SLFN5: variants seen among roughly 807,000 people sequenced by gnomAD.
SLFN5 encodes the protein schlafen family member 5.
A neutral mutation model predicts 48.5 loss-of-function variants in SLFN5; 34 were observed. That is an observed-to-expected ratio of 0.70 (90% CI 0.53 to 0.93). The LOEUF is 0.93. SLFN5 is among the 40% of genes least tolerant of loss of function. SLFN5 has a pLI of 0.00. For missense variants in SLFN5, 1,006 were observed against 1,071.3 expected, an observed-to-expected ratio of 0.94 and a Z score of 0.85; for synonymous variants, 387 against 396.2, an observed-to-expected ratio of 0.98 and a Z score of 0.28.
Position 35,251,413 on chromosome 17 carries a change from T to G in SLFN5, c.-40-7238T>G, listed in dbSNP as rs149899201. On this transcript the variant is annotated intron_variant, in intron 1 of 4. Transcript: ENST00000299977. Reference sequence around the variant, plus strand: ...ATTTGGGGTTTTTTTTTGTTTGTTTTTTTGTTTTTTGAGACGGAGTCTCGC... The same window carrying G: ...ATTTGGGGTTTTTTTTTGTTTGTTTGTTTGTTTTTTGAGACGGAGTCTCGC... Among the ~76,000 whole-genome samples, 317 of 152,308 alleles carry G rather than the reference T, an allele frequency of 2.1e-3. 1 individual carries two copies. Among genetic ancestry groups the G allele is most frequent in the African/African-American group, 7.0e-3 (289 of 41,566 alleles).
At chr17:35,261,417 C>T (rs1285571263) in intron 3 of SLFN5, among the ~76,000 whole-genome samples, 3 of 150,734 alleles carry the variant, frequency 2.0e-5, no homozygotes, top group East Asian at 4.1e-4. Flanking sequence ...TACCTGTAAT[C>T]CCAGCACTTT....
In SLFN5 at chr17:35,264,884, C is replaced by T. The variant is rs1271763342; in HGVS notation, c.1840C>T (p.Pro614Ser). The T allele has an allele frequency of 1.3e-6, 2 of 1,562,884 alleles. No homozygotes were observed. Among genetic ancestry groups the T allele is most frequent in the South Asian group, 1.2e-5 (1 of 80,010 alleles). ...ANILYICENQ[P>S]LKKLVSFSKK... ...CATTCTCTACATCTGTGAAAACCAGCCCCTGAAGAAGTTGGTGAGGTATGC... is the reference window on the plus strand; with the variant it reads ...CATTCTCTACATCTGTGAAAACCAGTCCCTGAAGAAGTTGGTGAGGTATGC... Residue 614 changes from proline (P) to serine (S), a missense_variant, in exon 4 of 5, where the codon CCC becomes TCC. Coordinates refer to ENST00000299977, the MANE Select transcript of SLFN5 (RefSeq NM_144975.4).
chr17:35,255,356 T>C (rs1052780480), intron 1 of SLFN5, among the ~76,000 whole-genome samples: 1 of 152,240 alleles, frequency 6.6e-6, no homozygotes, highest in African/African-American at 2.4e-5. Flanking sequence ...TGAGCACATA[T>C]TACTTTTACT....
intron 1 of SLFN5, among the ~76,000 whole-genome samples, chr17:35,249,412 A>G (rs2092437540): frequency 6.6e-6 from 1 of 152,240 alleles, no homozygotes; most frequent in South Asian, 2.1e-4. Flanking sequence ...GGAAGGAGAA[A>G]CTACCCAATA....
At chr17:35,243,171 C>G (rs1441879381) in intron 1 of SLFN5, 28 bp downstream of exon 1, 1 of 152,420 alleles carries the variant, frequency 6.6e-6, no homozygotes, top group Non-Finnish European at 1.5e-5. Flanking sequence ...CTTCTTTGCC[C>G]AGGCCTTCCC....
At chr17:35,245,946 T>G (rs1026775671) in intron 1 of SLFN5, among the ~76,000 whole-genome samples, 2 of 152,186 alleles carry the variant, frequency 1.3e-5, no homozygotes, top group African/African-American at 4.8e-5. Context: ...GTCGTACCCC[T>G]TTATATCCCT....
chr17:35,265,111 A>G lies in SLFN5; in HGVS notation c.1899A>G (p.Lys633=). Residue 633 remains lysine (K), a synonymous_variant, in exon 5 of 5, where the codon AAA becomes AAG. Coordinates refer to ENST00000299977, the MANE Select transcript of SLFN5 (RefSeq NM_144975.4). The part of the protein sequence containing the change: ...KKNICQPVTR[K]TFMKNNFEHI... ...ACATCTGCCAGCCAGTGACCCGGAA[A>G]ACCTTCATGAAAAACAACTTTGAAC... The G allele has an allele frequency of 3.1e-6, 5 of 1,613,398 alleles. No homozygotes were observed. Among genetic ancestry groups the G allele is most frequent in the Non-Finnish European group, 4.2e-6 (5 of 1,179,786 alleles).
At chr17:35,244,172 G>A (rs1027475410) in intron 1 of SLFN5, among the ~76,000 whole-genome samples, 1 of 152,054 alleles carries the variant, frequency 6.6e-6, no homozygotes, top group Non-Finnish European at 1.5e-5. Flanking sequence ...TAATTATATT[G>A]CTAGAAAAAG....
chr17:35,262,986 G>A (rs2142703098), intron 3 of SLFN5, among the ~76,000 whole-genome samples: 1 of 152,266 alleles, frequency 6.6e-6, no homozygotes, highest in Non-Finnish European at 1.5e-5. Context: ...TCAGGTAAGT[G>A]AAACCATACA....
chr17:35,260,726 AAAT>A (rs1377167920), intron 2 of SLFN5, among the ~76,000 whole-genome samples: 1 of 152,174 alleles, frequency 6.6e-6, no homozygotes, highest in Non-Finnish European at 1.5e-5. Context: ...ATAAATAAAT[AAAT>A]AATAGAAATA....
chr17:35,259,702 G>A lies in SLFN5; in HGVS notation c.1012G>A (p.Asp338Asn), dbSNP rs1391406246. The change falls in exon 2 of 5, where the codon GAC (aspartate) becomes AAC (asparagine). Residue 338 changes from aspartate to asparagine, a missense_variant and splice_region_variant. By Grantham distance (23) the Asp-to-Asn change is conservative. Coordinates refer to ENST00000299977, the MANE Select transcript of SLFN5 (RefSeq NM_144975.4). ...WTAWMMEADP[D>N]LSRCPEMVLQ... ...TGCTTGGATGATGGAAGCTGACCCAGGTTAGGGAGCAATATCCACAATGGT... is the reference window on the plus strand; with the variant it reads ...TGCTTGGATGATGGAAGCTGACCCAAGTTAGGGAGCAATATCCACAATGGT... 1 of 1,599,040 alleles carries A rather than the reference G, an allele frequency of 6.3e-7. No individual in the cohort carries two copies. Among genetic ancestry groups the A allele is most frequent in the Non-Finnish European group, 8.5e-7 (1 of 1,179,310 alleles).
chr17:35,258,383 A>G (rs372871000), intron 1 of SLFN5, among the ~76,000 whole-genome samples: 1 of 152,206 alleles, frequency 6.6e-6, no homozygotes, highest in African/African-American at 2.4e-5. Flanking sequence ...TTATGAAACC[A>G]TCAGACCTCG....
chr17:35,261,675 CTTTTT>C (rs200709274), intron 3 of SLFN5, among the ~76,000 whole-genome samples: 3 of 126,788 alleles, frequency 2.4e-5, no homozygotes, highest in Non-Finnish European at 4.9e-5. Context: ...AGCCACCAGT[CTTTTT>C]TTTTTTTTTT....
At position 35,265,126 on chromosome 17, in the gene SLFN5, C is replaced by T. The variant is rs1904638106; in HGVS notation, c.1914C>T (p.Asn638=). 1 of 1,613,562 alleles carries T rather than the reference C, an allele frequency of 6.2e-7. No individual in the cohort carries two copies. Among genetic ancestry groups the T allele is most frequent in the East Asian group, 2.2e-5 (1 of 44,886 alleles). The change falls in exon 5 of 5, where the codon AAC becomes AAT. Residue 638 remains asparagine, a synonymous_variant. Transcript: ENST00000299977. The part of the protein sequence containing the change: ...QPVTRKTFMK[N]NFEHIQHIII... ...TGACCCGGAAAACCTTCATGAAAAA[C>T]AACTTTGAACACATCCAGCACATTA...
Position 35,265,423 on chromosome 17 carries a change from C to G in SLFN5, c.2211C>G (p.Leu737=), listed in dbSNP as rs757380320. ...QEARQNPPPN[L]PPGSLVMLYE... ...CCCGACAAAATCCTCCACCTAACCT[C>G]CCCCCTGGGTCCCTGGTGATGCTCT... The change falls in exon 5 of 5, where the codon CTC becomes CTG. Residue 737 remains leucine (L), a synonymous_variant. Transcript: ENST00000299977. 2 of 1,614,194 alleles carry G rather than the reference C, an allele frequency of 1.2e-6. No individual in the cohort carries two copies. Among genetic ancestry groups the G allele is most frequent in the East Asian group, 2.2e-5 (1 of 44,884 alleles).
chr17:35,262,810 G>A (rs1247883345), intron 3 of SLFN5, among the ~76,000 whole-genome samples: 1 of 152,134 alleles, frequency 6.6e-6, no homozygotes. Context: ...GCTGCAGTGA[G>A]CCATGATCAT....
rs199978662 is a variant in SLFN5, at chr17:35,264,392, C to G, written c.1348C>G (p.Pro450Ala). Residue 450 changes from proline (P) to alanine (A), a missense_variant, in exon 4 of 5, where the codon CCT becomes GCT. Coordinates refer to ENST00000299977, the MANE Select transcript of SLFN5 (RefSeq NM_144975.4). ...DALLISQNNT[P>A]ILYTIFSKWD... ...TCTTCTAATTTCCCAGAACAACACC[C>G]CTATTCTCTACACCATCTTCAGCAA... 5.6e-6 allele frequency: 9 copies of G among 1,613,996 alleles called. No homozygotes were observed. The highest frequency in any genetic ancestry group is 7.6e-6 in the Non-Finnish European group (9 of 1,180,028).
chr17:35,259,078 T>C lies in SLFN5; in HGVS notation c.388T>C (p.Ser130Pro), dbSNP rs577822633. ...RERTSTDVMD[S>P]QEALAFLKCR... is the part of the protein sequence containing the mutation. ...GAGAACATCCACCGATGTCATGGAT[T>C]CTCAGGAAGCTCTGGCATTCCTCAA... The change falls in exon 2 of 5, where the codon TCT (serine) becomes CCT (proline). Residue 130 changes from serine (S) to proline (P), a missense_variant. Transcript: ENST00000299977. 1.2e-6 allele frequency: 2 copies of C among 1,614,218 alleles called. No individual in the cohort carries two copies. The highest frequency in any genetic ancestry group is 2.2e-5 in the East Asian group (1 of 44,884).
chr17:35,264,919 G>C lies in SLFN5; in HGVS notation c.1859+16G>C. The C allele has an allele frequency of 1.3e-6, 2 of 1,542,794 alleles. No individual in the cohort carries two copies. The highest frequency in any genetic ancestry group is 1.7e-6 in the Non-Finnish European group (2 of 1,152,328). ...AGTTGGTGAGGTATGCTGCTTGTCT[G>C]TGTTCACTTTATTTTCTTGAGTGAC... On this transcript the variant is annotated intron_variant, in intron 4 of 4. Coordinates refer to ENST00000299977, the MANE Select transcript of SLFN5 (RefSeq NM_144975.4).
Sources: allele counts gnomAD v4.1 joint callset (sites outside exome capture counted in the v4.1 genomes callset), GRCh38; gene constraint gnomAD v4.1.1; transcripts MANE v1.5; gene names NCBI Gene and HGNC (gene_info 2026-07-23, HGNC 2026-07-21).